The following DRC7 variants were observed in gnomAD, a reference collection of about 807,000 sequenced individuals.
DRC7 encodes the protein coiled-coil domain containing 135.
Under a neutral mutation model 104.4 loss-of-function variants are expected in DRC7, and 80 were observed. That is an observed-to-expected ratio of 0.77 (90% confidence interval 0.64 to 0.92). The LOEUF is 0.92. Ranked by LOEUF, DRC7 falls within the 40% of genes least tolerant of loss-of-function variation. DRC7 has a pLI of 0.00. For synonymous variants in DRC7, 405 were observed against 447.3 expected, an observed-to-expected ratio of 0.91 and a Z score of 1.19; for missense variants, 1,034 against 1,141.1, an observed-to-expected ratio of 0.91 and a Z score of 1.35.
chr16:57,703,169 G>A (rs141407408), intron 6 of DRC7, among the ~76,000 whole-genome samples: 3,463 of 143,270 alleles, frequency 0.024, 100 homozygotes, highest in African/African-American at 0.078. Context: ...CTGAGCCACC[G>A]TGCCTGGCCC....
intron 8 of DRC7, among the ~76,000 whole-genome samples, chr16:57,708,609 G>A (rs1025355015): frequency 1.5e-4 from 23 of 152,106 alleles, no homozygotes; most frequent in African/African-American, 5.1e-4. Context: ...TTTCTGTTGG[G>A]TAACTACTGA....
At chr16:57,707,766 G>C (rs774327788) in intron 8 of DRC7, 88 bp downstream of exon 8, 3 of 1,247,888 alleles carry the variant, frequency 2.4e-6, no homozygotes, top group Admixed American at 3.9e-5. Context: ...AGACCTTGGG[G>C]AGAGCGAGAC....
In DRC7 at chr16:57,722,673, C is replaced by A. The variant is rs772683998; in HGVS notation, c.1280-40C>A. The A allele has an allele frequency of 1.1e-5, 17 of 1,609,852 alleles. No individual in the cohort carries two copies. In the South Asian group the frequency reaches 1.9e-4, roughly 18 times the overall value. ...GGGCGGGGCTGGCCCTCCCTTCCCC[C>A]AAACTAGCAAGAAGAGACCACAGCT... On this transcript the variant is annotated intron_variant, in intron 10 of 18. Coordinates refer to ENST00000360716, the MANE Select transcript of DRC7 (RefSeq NM_001289162.2).
chr16:57,700,391 G>A (rs2048644933), intron 5 of DRC7, 121 bp downstream of exon 5: 3 of 1,300,572 alleles, frequency 2.3e-6, no homozygotes, highest in Non-Finnish European at 3.1e-6. Flanking sequence ...GCTCATGCCT[G>A]TAATCCCAGC....
chr16:57,725,379 G>A (rs1247339649), intron 13 of DRC7: 1 of 156,392 alleles, frequency 6.4e-6, no homozygotes, highest in Non-Finnish European at 1.4e-5. Context: ...AGATTTTGGT[G>A]GGGGGACACG....
chr16:57,718,152 C>T (rs772311918), intron 8 of DRC7, among the ~76,000 whole-genome samples, 195 bp from the exon 9 acceptor site: 5 of 152,218 alleles, frequency 3.3e-5, no homozygotes, highest in African/African-American at 7.2e-5. Context: ...CCCCTCGGGG[C>T]CTCAGTTTCC....
chr16:57,709,065 G>A (rs1395567340), intron 8 of DRC7, among the ~76,000 whole-genome samples: 1 of 150,324 alleles, frequency 6.7e-6, no homozygotes, highest in Non-Finnish European at 1.5e-5. Context: ...GGAGGCGGAG[G>A]TTGTAGTGAG....
chr16:57,727,680 C>T (rs1341480850), intron 16 of DRC7, among the ~76,000 whole-genome samples: 1 of 152,242 alleles, frequency 6.6e-6, no homozygotes, highest in African/African-American at 2.4e-5. Flanking sequence ...GTGCCCACCT[C>T]TACTCAGGGC....
In DRC7 at chr16:57,698,231, C is replaced by T. The variant is rs1288652931; in HGVS notation, c.203+79C>T. On this transcript the variant is annotated intron_variant, in intron 3 of 18. Transcript: ENST00000360716. ...GGAGACCCAGGCAGAGTGCTGGTGC[C>T]TGGTCTGGTAGGGTGACCAGGAGAT... 2.5e-6 allele frequency: 4 copies of T among 1,597,370 alleles called. No individual in the cohort carries two copies. The African/African-American group carries it at 4.0e-5, about 16-fold the overall frequency.
chr16:57,698,965 C>T lies in DRC7; in HGVS notation c.319C>T (p.His107Tyr), dbSNP rs763376876. 2 of 1,614,126 alleles carry T rather than the reference C, an allele frequency of 1.2e-6. No individual in the cohort carries two copies. The highest frequency in any genetic ancestry group is 2.7e-5 in the African/African-American group (2 of 74,944). The change falls in exon 4 of 19, where the codon CAT becomes TAT. Residue 107 changes from histidine to tyrosine, a missense_variant. Coordinates refer to ENST00000360716, the MANE Select transcript of DRC7 (RefSeq NM_001289162.2). ...VADNFSRQYS[H>Y]LCPDRVPLFL... is the part of the protein sequence containing the mutation. ...AGACAACTTCTCCCGCCAGTACAGC[C>T]ATCTGTGCCCGGACCGCGTGCCCCT...
intron 5 of DRC7, among the ~76,000 whole-genome samples, chr16:57,701,178 T>G (rs1028963526): frequency 1.3e-5 from 2 of 152,092 alleles, no homozygotes; most frequent in Admixed American, 6.5e-5. Context: ...TCCTGGGGTT[T>G]TTGTAGTTTG....
Position 57,698,966 on chromosome 16 carries a change from A to G in DRC7, c.320A>G (p.His107Arg). 10 of 1,614,224 alleles carry G rather than the reference A, an allele frequency of 6.2e-6. No individual in the cohort carries two copies. Among genetic ancestry groups the G allele is most frequent in the Non-Finnish European group, 8.5e-6 (10 of 1,180,030 alleles). Reference sequence around the variant, plus strand: ...GACAACTTCTCCCGCCAGTACAGCCATCTGTGCCCGGACCGCGTGCCCCTC... The same window carrying G: ...GACAACTTCTCCCGCCAGTACAGCCGTCTGTGCCCGGACCGCGTGCCCCTC... ...VADNFSRQYS[H>R]LCPDRVPLFL... The change falls in exon 4 of 19, where the codon CAT becomes CGT. Residue 107 changes from histidine to arginine, a missense_variant. Physicochemically the swap from His to Arg is conservative, Grantham distance 29. Transcript: ENST00000360716.
intron 8 of DRC7, 130 bp downstream of exon 8, chr16:57,707,808 T>C: frequency 1.3e-6 from 1 of 740,988 alleles, no homozygotes. Context: ...ACCTTCTCCA[T>C]AGCTGCGTCT....
chr16:57,704,427 C>G (rs2048691339), intron 6 of DRC7, among the ~76,000 whole-genome samples: 1 of 151,362 alleles, frequency 6.6e-6, no homozygotes, highest in South Asian at 2.1e-4. Flanking sequence ...CCTTCCTGGC[C>G]CAGCAAACTG....
chr16:57,723,611 C>T (rs552377528), intron 12 of DRC7, among the ~76,000 whole-genome samples: 3 of 151,994 alleles, frequency 2.0e-5, no homozygotes, highest in Admixed American at 6.6e-5. Flanking sequence ...GCTTGTAATC[C>T]CAGCTACTCA....
chr16:57,698,967 T>A lies in DRC7; in HGVS notation c.321T>A (p.His107Gln). ...VADNFSRQYS[H>Q]LCPDRVPLFL... ...ACAACTTCTCCCGCCAGTACAGCCA[T>A]CTGTGCCCGGACCGCGTGCCCCTCT... The change falls in exon 4 of 19, where the codon CAT becomes CAA. Residue 107 changes from histidine (H) to glutamine (Q), a missense_variant. By Grantham distance (24) the His-to-Gln change is conservative. Coordinates refer to ENST00000360716, the MANE Select transcript of DRC7 (RefSeq NM_001289162.2). The A allele has an allele frequency of 1.2e-6, 2 of 1,614,208 alleles. No homozygotes were observed. Among genetic ancestry groups the A allele is most frequent in the African/African-American group, 1.3e-5 (1 of 75,062 alleles).
At chr16:57,707,784 C>T in intron 8 of DRC7, 106 bp downstream of exon 8, 2 of 1,005,876 alleles carry the variant, frequency 2.0e-6, no homozygotes, top group Non-Finnish European at 3.0e-6. Flanking sequence ...GACACCAGGC[C>T]ACGAGGGCTT....
intron 5 of DRC7, 37 bp from the exon 6 acceptor site, chr16:57,701,899 G>A (rs753270585): frequency 5.8e-5 from 92 of 1,587,718 alleles, no homozygotes; most frequent in Non-Finnish European, 7.3e-5. Flanking sequence ...CTGGGGCAGC[G>A]GGGCCCCAGC....
rs1388809642 is a variant in DRC7 at position 57,723,691 on chromosome 16, G to A, written c.1537+561G>A. 2.0e-5 allele frequency among the ~76,000 whole-genome samples: 3 copies of A among 151,314 alleles called. No homozygotes were observed. The East Asian group carries it at 5.8e-4, about 29-fold the overall frequency. On this transcript the variant is annotated intron_variant, in intron 12 of 18. Transcript: ENST00000360716. ...TGCAGTGAGCCGAGATTATGCCACT[G>A]CACTCCAGCCTGGGTGACAGATAGA...
Sources: gnomAD v4.1 joint callset for allele counts (sites outside exome capture counted in the v4.1 genomes callset) on GRCh38, gnomAD v4.1.1 for gene constraint, MANE v1.5 for transcripts, NCBI Gene and HGNC (gene_info 2026-07-23, HGNC 2026-07-21) for gene names.